The following TIMP4 variants were observed in gnomAD, a reference collection of about 807,000 sequenced individuals.
The protein encoded by TIMP4 is TIMP metallopeptidase inhibitor 4, also known as metalloproteinase inhibitor 4.
A neutral mutation model predicts 27.3 loss-of-function variants in TIMP4; 28 were observed. That is an observed-to-expected ratio of 1.03 (90% CI 0.76 to 1.41). The LOEUF (loss-of-function observed/expected upper bound fraction) is 1.41. Among genes scored for constraint, TIMP4 ranks in the 40% most tolerant of loss-of-function variants. The probability of loss-of-function intolerance (pLI) is 0.00; values close to 1 mark genes in which losing one functional copy is unlikely to be tolerated. For missense variants in TIMP4, 307 were observed against 285.5 expected (o/e 1.08, Z -0.54); for synonymous variants, 138 against 115.5 (o/e 1.20, Z -1.25).
intron 2 of TIMP4, among the ~76,000 whole-genome samples, chr3:12,157,151 G>C (rs1175268244): frequency 2.6e-5 from 4 of 152,184 alleles, no homozygotes; most frequent in African/African-American, 9.6e-5. Context: ...GTAGGTACCT[G>C]TAGTGGCACC....
intron 2 of TIMP4, 98 bp downstream of exon 2, chr3:12,157,287 G>A (rs750903563): frequency 1.9e-4 from 215 of 1,136,594 alleles, no homozygotes; most frequent in Non-Finnish European, 2.6e-4. Context: ...AAGGATTACT[G>A]AGCCAGGCCA....
rs1697390369 is a variant in TIMP4, at chr3:12,154,318, T to A, written c.477+9A>T. ...TCCCTAAAGACTTTGGAAATGGACA[T>A]TCCCTTACTTGGCAGCCACAGTTCA... is the stretch of plus-strand genomic sequence containing the variant. On this transcript the variant is annotated intron_variant, in intron 4 of 4. Transcript: ENST00000287814. 1 of 1,614,016 alleles carries A rather than the reference T, an allele frequency of 6.2e-7. No individual in the cohort carries two copies. The highest frequency in any genetic ancestry group is 8.5e-7 in the Non-Finnish European group (1 of 1,179,980).
In TIMP4 at chr3:12,153,555, A is replaced by G. The variant is rs149625047; in HGVS notation, c.635T>C (p.Leu212Pro). The G allele has an allele frequency of 1.2e-6, 2 of 1,613,934 alleles. No homozygotes were observed. Among genetic ancestry groups the G allele is most frequent in the African/African-American group, 2.7e-5 (2 of 74,928 alleles). ...GTCAACAAACTCCTTCCTGAGAGGC[A>G]GGTGGCCCCGGTACCAGCTGCAGGT... ...DGTCSWYRGHLPLRKEFVDIV... is the reference protein window; with the variant it reads ...DGTCSWYRGHPPLRKEFVDIV... The change falls in exon 5 of 5, where the codon CTG becomes CCG. Residue 212 changes from leucine to proline, a missense_variant. Leu to Pro is a moderately conservative substitution (Grantham distance 98). Transcript: ENST00000287814.
chr3:12,153,215 A>G lies in TIMP4; in HGVS notation c.*300T>C. On this transcript the variant is annotated 3_prime_UTR_variant, in exon 5 of 5. Coordinates refer to ENST00000287814, the MANE Select transcript of TIMP4 (RefSeq NM_003256.4). The stretch of plus-strand genomic sequence containing the variant: ...TCGATTAAGACAAAGGAAAACACAT[A>G]TTCCTGGGGAGGAAAGGGAATAGTC... 1 of 470,720 alleles carries G rather than the reference A, an allele frequency of 2.1e-6. No individual in the cohort carries two copies. Among genetic ancestry groups the G allele is most frequent in the Non-Finnish European group, 3.9e-6 (1 of 255,014 alleles). 29.2% of individuals were successfully genotyped at this position (470,720 alleles called of 1,614,324 possible). A position where few individuals can be genotyped will look rare whatever the true frequency, so the allele number is the denominator to read the frequency against.
intron 4 of TIMP4, 23 bp from the exon 5 acceptor site, chr3:12,153,735 T>C: frequency 1.9e-6 from 3 of 1,613,118 alleles, no homozygotes; most frequent in Non-Finnish European, 2.5e-6. Context: ...CCACACAACA[T>C]TAAAGTGAGT....
rs748777885 is a variant in TIMP4, at chr3:12,154,401, C to G, written c.403G>C (p.Glu135Gln). ...KVFIHLCNYI[E>Q]PWEDLSLVQR... ...ACCAAGGACAGGTCCTCCCAGGGCTCGATGTAGTTGCACAGATGGATGAAG... is the reference window on the plus strand; with the variant it reads ...ACCAAGGACAGGTCCTCCCAGGGCTGGATGTAGTTGCACAGATGGATGAAG... The change falls in exon 4 of 5, where the codon GAG becomes CAG. Residue 135 changes from glutamate (E) to glutamine (Q), a missense_variant. Glu to Gln is a conservative substitution (Grantham distance 29). Coordinates refer to ENST00000287814, the MANE Select transcript of TIMP4 (RefSeq NM_003256.4). The G allele has an allele frequency of 2.1e-5, 34 of 1,614,026 alleles. No homozygotes were observed. Among genetic ancestry groups the G allele is most frequent in the African/African-American group, 2.7e-5 (2 of 74,900 alleles).
At chr3:12,156,080 A>C (rs914512760) in intron 3 of TIMP4, among the ~76,000 whole-genome samples, 14 of 152,214 alleles carry the variant, frequency 9.2e-5, no homozygotes, top group African/African-American at 3.4e-4. Context: ...CTCCTGGCCA[A>C]GGCATGGCAG....
intron 1 of TIMP4, 34 bp from the exon 2 acceptor site, chr3:12,157,516 A>G: frequency 6.2e-7 from 1 of 1,602,590 alleles, no homozygotes; most frequent in East Asian, 2.2e-5. Flanking sequence ...AACCTTCAGC[A>G]GCTGGTGGGG....
intron 4 of TIMP4, 67 bp downstream of exon 4, chr3:12,154,260 A>T (rs1697387957): frequency 1.9e-6 from 3 of 1,604,990 alleles, no homozygotes; most frequent in Non-Finnish European, 2.6e-6. Flanking sequence ...GAATAAATTC[A>T]TGCATGAATG....
chr3:12,154,498 G>A, intron 3 of TIMP4, 47 bp from the exon 4 acceptor site: 2 of 1,604,810 alleles, frequency 1.2e-6, no homozygotes, highest in Non-Finnish European at 1.7e-6. Flanking sequence ...TTCTTCTCCT[G>A]GAGCCCCAGG....
intron 2 of TIMP4, 109 bp from the exon 3 acceptor site, chr3:12,157,043 G>T: frequency 2.5e-6 from 2 of 795,496 alleles, no homozygotes; most frequent in Non-Finnish European, 4.0e-6. Context: ...CAAAAGTCTA[G>T]TTGAGGATTT....
rs56296874 is a variant in TIMP4 at position 12,157,553 on chromosome 3, C to T, written c.140-71G>A. On this transcript the variant is annotated intron_variant, in intron 1 of 4. Transcript: ENST00000287814. ...CAATACACCTGAGGTCTGGATGATC[C>T]AGGGTCCATGAAGAAGTCTATAGGG... 141 of 1,482,396 alleles carry T rather than the reference C, an allele frequency of 9.5e-5. No individual in the cohort carries two copies. In the East Asian group the frequency reaches 3.2e-3, roughly 33 times the overall value. The allele number at this position is 1,482,396 out of a possible 1,614,324, so 91.8% of individuals were successfully genotyped here. A position where few individuals can be genotyped will look rare whatever the true frequency, so the allele number is the denominator to read the frequency against.
Position 12,158,711 on chromosome 3 carries a change from A to T in TIMP4, c.130T>A (p.Ser44Thr), listed in dbSNP as rs769116293. ...CGGACCTCGGACTCACCAAGTGCCG[A>T]GTGGCAGATGTGCTGCTGAGGGTGC... ...PAHPQQHICH[S>T]ALVIRAKISS... Residue 44 changes from serine to threonine, a missense_variant, in exon 1 of 5, where the codon TCG becomes ACG. Physicochemically the swap from Ser to Thr is moderately conservative, Grantham distance 58 (BLOSUM62 1). Coordinates refer to ENST00000287814, the MANE Select transcript of TIMP4 (RefSeq NM_003256.4). 3.7e-6 allele frequency: 6 copies of T among 1,610,214 alleles called. No individual in the cohort carries two copies. In the South Asian group the frequency reaches 6.6e-5, roughly 18 times the overall value.
rs1697491538 is a variant in TIMP4, at chr3:12,157,457, C to G, written c.165G>C (p.Glu55Asp). Residue 55 changes from glutamate (E) to aspartate (D), a missense_variant, in exon 2 of 5, where the codon GAG becomes GAC. Transcript: ENST00000287814. ...ALVIRAKISSEKVVPASADPA... is the reference protein window; with the variant it reads ...ALVIRAKISSDKVVPASADPA... ...GGTCTGCACTGGCCGGAACTACCTT[C>G]TCACTGGAGATTTTGGCCCGAATCA... 1 of 1,614,190 alleles carries G rather than the reference C, an allele frequency of 6.2e-7. No homozygotes were observed. The highest frequency in any genetic ancestry group is 8.5e-7 in the Non-Finnish European group (1 of 1,180,028).
intron 1 of TIMP4, among the ~76,000 whole-genome samples, chr3:12,158,098 A>G (rs770699224): frequency 1.4e-4 from 21 of 150,992 alleles, no homozygotes; most frequent in Admixed American, 2.0e-4. Flanking sequence ...TGTAAAGAAC[A>G]ACAGCACAGC....
At chr3:12,158,267 A>G (rs1403001184) in intron 1 of TIMP4, among the ~76,000 whole-genome samples, 1 of 152,202 alleles carries the variant, frequency 6.6e-6, no homozygotes, top group Non-Finnish European at 1.5e-5. Context: ...CAGAGGGAAG[A>G]GAAAGGACAG....
chr3:12,155,616 C>T (rs1245507435), intron 3 of TIMP4, among the ~76,000 whole-genome samples: 1 of 152,170 alleles, frequency 6.6e-6, no homozygotes. Context: ...GTGTTCTGGT[C>T]ACAAAGAGCT....
rs761580264 is a variant in TIMP4, at chr3:12,158,746, C to CT, written c.94_95insA (p.Cys32Ter). The change falls in exon 1 of 5, where the codon TGC becomes TAGC. Residue 32 changes from cysteine (C) to a stop codon, truncating the protein, a stop_gained and frameshift_variant. Transcript: ENST00000287814. LOFTEE classifies it high-confidence loss of function. ...RPPGLGEACS[C>*]APAHPQQHIC... ...GTGCTGCTGAGGGTGCGCCGGGGCG[C>CT]AGCTGCATGCCTCACCCAGCCCCGG... is the stretch of plus-strand genomic sequence containing the variant. 5 of 1,608,792 alleles carry CT rather than the reference C, an allele frequency of 3.1e-6. No homozygotes were observed. The highest frequency in any genetic ancestry group is 4.2e-6 in the Non-Finnish European group (5 of 1,179,650).
intron 3 of TIMP4, 55 bp downstream of exon 3, chr3:12,156,765 C>T: frequency 2.8e-6 from 4 of 1,449,444 alleles, no homozygotes; most frequent in Non-Finnish European, 2.9e-6. Context: ...TTCTCACTAC[C>T]TCCCCTAGGG....
Sources: gnomAD v4.1 joint callset for allele counts (sites outside exome capture counted in the v4.1 genomes callset) on GRCh38, gnomAD v4.1.1 for gene constraint, MANE v1.5 for transcripts, NCBI Gene and HGNC (gene_info 2026-07-23, HGNC 2026-07-21) for gene names.